Variants in PLXDC2 observed in about 807,000 individuals in gnomAD.
PLXDC2 encodes plexin domain containing 2, also known as plexin domain-containing protein 2.
A neutral mutation model predicts 68.9 loss-of-function variants in PLXDC2; 40 were observed. The ratio of observed to expected loss-of-function variants is 0.58; its 90% CI spans 0.45 to 0.76. The LOEUF (loss-of-function observed/expected upper bound fraction) is 0.76, where lower values mean the gene tolerates loss of function less well. Ranked by LOEUF, PLXDC2 falls within the 30% of genes least tolerant of loss-of-function variation. PLXDC2 has a pLI of 0.00. For missense variants in PLXDC2, 644 were observed against 661.9 expected (o/e 0.97, Z 0.30); for synonymous variants, 243 against 234.2 (o/e 1.04, Z -0.34).
intron 1 of PLXDC2, among the ~76,000 whole-genome samples, chr10:19,876,618 A>AG (rs1292692433): frequency 1.4e-4 from 21 of 150,698 alleles, no homozygotes; most frequent in African/African-American, 5.1e-4. Context: ...AAAAAAAAAA[A>AG]AAAAAAAGAG....
At chr10:20,233,644 C>T (rs1179720516) in intron 12 of PLXDC2, among the ~76,000 whole-genome samples, 2 of 152,102 alleles carry the variant, frequency 1.3e-5, no homozygotes, top group Non-Finnish European at 1.5e-5. Context: ...GCACCAAGGG[C>T]TCTGATTTCC....
At chr10:20,140,361 C>CA (rs923106922) in intron 4 of PLXDC2, among the ~76,000 whole-genome samples, 41 of 147,644 alleles carry the variant, frequency 2.8e-4, no homozygotes, top group African/African-American at 9.6e-4. Flanking sequence ...TAAATTACCC[C>CA]AAAAAATGAA....
intron 2 of PLXDC2, among the ~76,000 whole-genome samples, chr10:20,006,989 C>A (rs1422067855): frequency 6.6e-6 from 1 of 152,176 alleles, no homozygotes; most frequent in South Asian, 2.1e-4. Context: ...AAAGTACCTT[C>A]TGCTGAAGTG....
chr10:20,089,697 C>T (rs970027838), intron 4 of PLXDC2, among the ~76,000 whole-genome samples: 2 of 151,994 alleles, frequency 1.3e-5, no homozygotes, highest in African/African-American at 4.8e-5. Context: ...AACAGTGGTG[C>T]GTAAATTGGT....
At chr10:20,199,071 A>G (rs978081888) in intron 9 of PLXDC2, among the ~76,000 whole-genome samples, 1 of 152,102 alleles carries the variant, frequency 6.6e-6, no homozygotes, top group Non-Finnish European at 1.5e-5. Context: ...TCCAGTCAAT[A>G]GTTAAAATAA....
intron 1 of PLXDC2, among the ~76,000 whole-genome samples, chr10:19,825,093 C>T (rs999518406): frequency 6.6e-6 from 1 of 152,132 alleles, no homozygotes; most frequent in African/African-American, 2.4e-5. Flanking sequence ...CTGCTTGAGG[C>T]CTTATCATAG....
chr10:20,256,382 C>T (rs945870701), intron 13 of PLXDC2, among the ~76,000 whole-genome samples: 31 of 151,990 alleles, frequency 2.0e-4, no homozygotes, highest in African/African-American at 6.5e-4. Flanking sequence ...ATCCACCGGC[C>T]TCTGCCTCCC....
chr10:20,217,598 T>G, intron 11 of PLXDC2, 22 bp downstream of exon 11: 4 of 162,644 alleles, frequency 2.5e-5, no homozygotes, highest in Non-Finnish European at 2.5e-5. Flanking sequence ...ATAGTTTGCT[T>G]TTTTTTTTTT....
At position 20,217,545 on chromosome 10, in the gene PLXDC2, T is replaced by C. The variant is rs758093057; in HGVS notation, c.1242T>C (p.Thr414=). 6.2e-7 allele frequency: 1 copy of C among 1,607,010 alleles called. No homozygotes were observed. The highest frequency in any genetic ancestry group is 1.7e-5 in the Admixed American group (1 of 59,622). Residue 414 remains threonine (T), a synonymous_variant, in exon 11 of 14, where the codon ACT becomes ACC. Transcript: ENST00000377252. The stretch of plus-strand genomic sequence containing the variant: ...TAACTACCACCAGAAGAGCAGTGAC[T>C]TCTCAGTTTCCCACCAGCCTCCCTA... The part of the protein sequence containing the change: ...RVLTTTRRAV[T]SQFPTSLPTE...
At chr10:20,206,951 AAAT>A (rs1835002036) in intron 9 of PLXDC2, among the ~76,000 whole-genome samples, 1 of 152,128 alleles carries the variant, frequency 6.6e-6, no homozygotes, top group Non-Finnish European at 1.5e-5. Context: ...TAGAATTCAG[AAAT>A]AATATCAAGG....
At chr10:20,235,749 A>G (rs1447849225) in intron 12 of PLXDC2, among the ~76,000 whole-genome samples, 1 of 152,196 alleles carries the variant, frequency 6.6e-6, no homozygotes, top group African/African-American at 2.4e-5. Context: ...AGAAAACTTA[A>G]TGGATTTGAT....
chr10:19,867,072 T>C (rs965496461), intron 1 of PLXDC2, among the ~76,000 whole-genome samples: 6 of 148,998 alleles, frequency 4.0e-5, no homozygotes, highest in Non-Finnish European at 8.9e-5. Flanking sequence ...CTCTTTTTTT[T>C]TTTTTTTTTT....
intron 1 of PLXDC2, among the ~76,000 whole-genome samples, chr10:19,966,416 TAA>T (rs1376953426): frequency 4.8e-5 from 7 of 147,046 alleles, no homozygotes; most frequent in African/African-American, 1.5e-4. Flanking sequence ...TGCACATATA[TAA>T]AAAATATATA....
chr10:20,214,902 G>T (rs1835115829), intron 10 of PLXDC2, among the ~76,000 whole-genome samples: 1 of 152,170 alleles, frequency 6.6e-6, no homozygotes, highest in South Asian at 2.1e-4. Flanking sequence ...CCTTGAGTTT[G>T]AGATGTGTGT....
At chr10:19,953,180 A>G (rs1453250890) in intron 1 of PLXDC2, among the ~76,000 whole-genome samples, 6 of 152,220 alleles carry the variant, frequency 3.9e-5, no homozygotes, top group African/African-American at 1.2e-4. Context: ...TTCTGATATT[A>G]TAGCCATCGT....
chr10:20,082,417 T>G (rs1836584598), intron 4 of PLXDC2, among the ~76,000 whole-genome samples: 1 of 152,088 alleles, frequency 6.6e-6, no homozygotes, highest in Admixed American at 6.6e-5. Flanking sequence ...AAACTTATTC[T>G]AAAATTAAAA....
chr10:20,185,073 G>A (rs1313482969), intron 9 of PLXDC2, among the ~76,000 whole-genome samples: 1 of 144,706 alleles, frequency 6.9e-6, no homozygotes, highest in East Asian at 2.1e-4. Context: ...CTAGATGGCA[G>A]GTTGATAGGT....
chr10:20,053,235 G>A (rs1835934821), intron 3 of PLXDC2, among the ~76,000 whole-genome samples: 1 of 152,048 alleles, frequency 6.6e-6, no homozygotes, highest in Admixed American at 6.6e-5. Context: ...TTGATTACAT[G>A]TGCTTTCAAA....
chr10:19,891,036 T>C (rs16919516), intron 1 of PLXDC2, among the ~76,000 whole-genome samples: 20,555 of 152,088 alleles, frequency 0.14, 1,475 homozygotes, highest in African/African-American at 0.19. Context: ...ATTTCTTTCT[T>C]GCTGATCTGC....
Sources: allele counts gnomAD v4.1 joint callset (sites outside exome capture counted in the v4.1 genomes callset), GRCh38; gene constraint gnomAD v4.1.1; transcripts MANE v1.5; gene names NCBI Gene and HGNC (gene_info 2026-07-23, HGNC 2026-07-21).